Variants in ASAP2 observed in about 807,000 individuals in gnomAD.
ASAP2 encodes the protein arf-GAP with SH3 domain, ANK repeat and PH domain-containing protein 2.
In ASAP2, 45 loss-of-function variants were observed where a neutral mutation model predicts 131.4. That is an observed-to-expected ratio of 0.34 (90% confidence interval 0.27 to 0.44). The LOEUF is 0.44. Among genes scored for constraint, ASAP2 ranks in the 20% least tolerant of loss-of-function variants. The pLI is 1.00. For missense variants in ASAP2, 1,011 were observed against 1,297.0 expected (o/e 0.78, Z 3.39); for synonymous variants, 510 against 503.0 (o/e 1.01, Z -0.19).
chr2:9,361,731 CTA>C (rs1206766440), intron 15 of ASAP2, among the ~76,000 whole-genome samples: 1 of 152,078 alleles, frequency 6.6e-6, no homozygotes, highest in African/African-American at 2.4e-5. Context: ...CCACGCCTGG[CTA>C]AGTTTTGCAT....
rs142427466 is a variant in ASAP2 at position 9,285,701 on chromosome 2, T to G, written c.199+6312T>G. On this transcript the variant is annotated intron_variant, in intron 2 of 27. Transcript: ENST00000281419. ...TTTAGCTGTTTGACATATCAGTGGG[T>G]GGAAAAATTCATCTCTATCAAGAAG... 8.1e-3 allele frequency among the ~76,000 whole-genome samples: 1,230 copies of G among 152,346 alleles called. 12 individuals carry two copies. The highest frequency in any genetic ancestry group is 0.013 in the Non-Finnish European group (861 of 68,016).
chr2:9,275,087 T>TTTTTTTG (rs1553302081), intron 1 of ASAP2, among the ~76,000 whole-genome samples: 1 of 150,272 alleles, frequency 6.7e-6, no homozygotes, highest in African/African-American at 2.5e-5. Context: ...TGTCTGTTTT[T>TTTTTTTG]TTTTTTTTTT....
chr2:9,313,191 T>A (rs985916208), intron 3 of ASAP2, among the ~76,000 whole-genome samples: 1 of 152,200 alleles, frequency 6.6e-6, no homozygotes, highest in Admixed American at 6.5e-5. Flanking sequence ...GCCGACCAAG[T>A]GGGTCTGCAT....
chr2:9,401,995 G>A (rs1408268566), intron 27 of ASAP2, among the ~76,000 whole-genome samples: 2 of 152,232 alleles, frequency 1.3e-5, no homozygotes, highest in African/African-American at 4.8e-5. Flanking sequence ...GCTGCAGACA[G>A]TGAGGGCGGT....
At chr2:9,400,905 GAAGCAAGT>G in intron 26 of ASAP2, 75 bp downstream of exon 26, 5 of 1,424,088 alleles carry the variant, frequency 3.5e-6, no homozygotes, top group Non-Finnish European at 4.9e-6. Flanking sequence ...GGGCTCAGGG[GAAGCAAGT>G]CTTCCCCTCT....
chr2:9,263,924 T>A (rs534830047), intron 1 of ASAP2, among the ~76,000 whole-genome samples: 78 of 152,194 alleles, frequency 5.1e-4, no homozygotes, highest in African/African-American at 1.8e-3. Flanking sequence ...AGGTGCCGTG[T>A]CTCACACCTG....
chr2:9,272,216 C>T (rs142120526), intron 1 of ASAP2, among the ~76,000 whole-genome samples: 6 of 152,324 alleles, frequency 3.9e-5, no homozygotes, highest in African/African-American at 1.4e-4. Context: ...TCCCCACAAG[C>T]ATTTGTTATT....
chr2:9,287,725 C>T (rs12468457), intron 2 of ASAP2, among the ~76,000 whole-genome samples: 20,497 of 152,090 alleles, frequency 0.13, 1,788 homozygotes, highest in African/African-American at 0.25. Flanking sequence ...GACGTGGGCT[C>T]GAAGGCCCTG....
chr2:9,238,088 G>T (rs1663679078), intron 1 of ASAP2, among the ~76,000 whole-genome samples: 1 of 152,188 alleles, frequency 6.6e-6, no homozygotes, highest in South Asian at 2.1e-4. Flanking sequence ...GCCTCCGACT[G>T]CTGGGGTTTG....
chr2:9,263,091 G>T (rs916640038), intron 1 of ASAP2, among the ~76,000 whole-genome samples: 1 of 151,978 alleles, frequency 6.6e-6, no homozygotes, highest in Non-Finnish European at 1.5e-5. Context: ...GCATCGCCAC[G>T]GCTGGAGGGC....
At chr2:9,373,911 A>G (rs1241077766) in intron 16 of ASAP2, among the ~76,000 whole-genome samples, 1 of 152,222 alleles carries the variant, frequency 6.6e-6, no homozygotes, top group East Asian at 1.9e-4. Context: ...TTGTAAGTTC[A>G]CTGGGTCTTT....
chr2:9,276,025 G>A (rs1666739578), intron 1 of ASAP2, among the ~76,000 whole-genome samples: 1 of 152,168 alleles, frequency 6.6e-6, no homozygotes, highest in African/African-American at 2.4e-5. Flanking sequence ...TTCTGTGCAC[G>A]TAGTAAGTCC....
intron 1 of ASAP2, among the ~76,000 whole-genome samples, chr2:9,210,883 C>T (rs1238568891): frequency 1.3e-5 from 2 of 149,882 alleles, no homozygotes; most frequent in Non-Finnish European, 3.0e-5. Context: ...AGGCCAGGTG[C>T]GGTGGCTCAC....
chr2:9,250,568 G>A lies in ASAP2; in HGVS notation c.127-28749G>A, dbSNP rs532135038. On this transcript the variant is annotated intron_variant, in intron 1 of 27. Transcript: ENST00000281419. ...CAAAAGGATACAGGGCACATTGCAC[G>A]GCCCCCAGGGCAAATGCAGTGTGGT... Among the ~76,000 whole-genome samples the A allele has an allele frequency of 5.1e-5, 7 of 137,490 alleles. No homozygotes were observed. The South Asian group carries it at 6.8e-4, about 13-fold the overall frequency. 90.2% of individuals were successfully genotyped at this position (137,490 alleles called of 152,430 possible). A position where few individuals can be genotyped will look rare whatever the true frequency, so the allele number is the denominator to read the frequency against.
In ASAP2 at chr2:9,268,267, GC is replaced by G. The variant is rs1666078377; in HGVS notation, c.127-11049del. Reference sequence around the variant, plus strand: ...GACATTTCGGTTTATCCAGTTGGGGGCTGTTTTGAGGAGTGTTAGGACAGCC... The same window carrying G: ...GACATTTCGGTTTATCCAGTTGGGGGTGTTTTGAGGAGTGTTAGGACAGCC... On this transcript the variant is annotated intron_variant, in intron 1 of 27. Transcript: ENST00000281419. The surrounding 1 kb of genome is among the most constrained non-coding windows in gnomAD (Gnocchi z 4.1). Among the ~76,000 whole-genome samples, 1 of 152,178 alleles carries G rather than the reference GC, an allele frequency of 6.6e-6. No homozygotes were observed. Among genetic ancestry groups the G allele is most frequent in the Non-Finnish European group, 1.5e-5 (1 of 68,028 alleles).
Position 9,217,792 on chromosome 2 carries a change from T to C in ASAP2, c.126+10562T>C, listed in dbSNP as rs1298842352. Among the ~76,000 whole-genome samples the C allele has an allele frequency of 6.6e-6, 1 of 151,922 alleles. No homozygotes were observed. Among genetic ancestry groups the C allele is most frequent in the Non-Finnish European group, 1.5e-5 (1 of 67,972 alleles). On this transcript the variant is annotated intron_variant, in intron 1 of 27. Coordinates refer to ENST00000281419, the MANE Select transcript of ASAP2 (RefSeq NM_003887.3). The surrounding 1 kb of genome is among the most constrained non-coding windows in gnomAD (Gnocchi z 4.0). ...ACCACGCCCGGCTAATTTTTGGTAT[T>C]TTTAGTAGAGACGGGGTTTCACTGT...
In ASAP2 at chr2:9,405,005, A is replaced by AT. The variant is rs1677093025; in HGVS notation, c.*1682dup. ...TATTTTGCACAGTGCACTTATGTCT[A>AT]TTTTAACAATCCTCCTGCATCTGTA... On this transcript the variant is annotated 3_prime_UTR_variant, in exon 28 of 28. Transcript: ENST00000281419. 1.3e-5 allele frequency: 2 copies of AT among 152,494 alleles called. No homozygotes were observed. The highest frequency in any genetic ancestry group is 6.6e-5 in the Admixed American group (1 of 15,264). The allele number at this position is 152,494 out of a possible 1,614,324, so 9.4% of individuals were successfully genotyped here.
At chr2:9,276,892 G>A (rs1666795534) in intron 1 of ASAP2, among the ~76,000 whole-genome samples, 1 of 152,196 alleles carries the variant, frequency 6.6e-6, no homozygotes, top group African/African-American at 2.4e-5. Context: ...GCTGGCCCAT[G>A]GAAGGTGCTT....
At chr2:9,290,088 C>G (rs991889268) in intron 2 of ASAP2, among the ~76,000 whole-genome samples, 3 of 152,210 alleles carry the variant, frequency 2.0e-5, no homozygotes, top group African/African-American at 4.8e-5. Flanking sequence ...GTTGTGGCTA[C>G]TTCTGTCTTG....
Sources: allele counts gnomAD v4.1 joint callset (sites outside exome capture counted in the v4.1 genomes callset), GRCh38; gene constraint gnomAD v4.1.1; non-coding constraint Gnocchi (gnomAD v3.1); transcripts MANE v1.5; gene names NCBI Gene and HGNC (gene_info 2026-07-23, HGNC 2026-07-21).